The following KSR2 variants were observed in gnomAD, a reference collection of about 807,000 sequenced individuals.
KSR2 encodes kinase suppressor of ras 2.
KSR2 carries 25 observed loss-of-function variants against 107.8 expected under a neutral mutation model. The ratio of observed to expected loss-of-function variants is 0.23; its 90% CI spans 0.17 to 0.32. KSR2 has a LOEUF of 0.32. Among genes scored for constraint, KSR2 ranks in the 10% least tolerant of loss-of-function variants. The probability of loss-of-function intolerance (pLI) is 1.00; values close to 1 mark genes in which losing one functional copy is unlikely to be tolerated. For missense variants in KSR2, 887 were observed against 1,268.9 expected, an observed-to-expected ratio of 0.70 and a Z score of 4.57; for synonymous variants, 480 against 507.0, an observed-to-expected ratio of 0.95 and a Z score of 0.71.
chr12:117,746,947 G>T (rs1392611912), intron 4 of KSR2, among the ~76,000 whole-genome samples: 1 of 152,176 alleles, frequency 6.6e-6, no homozygotes, highest in East Asian at 1.9e-4. Context: ...TGCTGGTGAG[G>T]CTGTGGAGAA....
chr12:117,855,024 G>C (rs949804391), intron 3 of KSR2, among the ~76,000 whole-genome samples: 9 of 151,248 alleles, frequency 6.0e-5, no homozygotes, highest in Admixed American at 3.3e-4. Flanking sequence ...TCTATTTTCT[G>C]GTTTATGTTA....
chr12:117,749,120 CAAA>C (rs34973454), intron 4 of KSR2, among the ~76,000 whole-genome samples: 14,691 of 105,948 alleles, frequency 0.14, 1,642 homozygotes, highest in East Asian at 0.17. Context: ...GCTCCACTGG[CAAA>C]AAAAAAAAAA....
rs1253401992 is a variant in KSR2, at chr12:117,458,846, TG to T, written c.*8352del. ...TTCAGGGAAGAAACCAAAGAGCAAT[TG>T]GAGTCAGGCTCCTTTTCCTGCCCTT... On this transcript the variant is annotated 3_prime_UTR_variant, in exon 20 of 20. Transcript: ENST00000339824. 1 of 152,150 alleles carries T rather than the reference TG, an allele frequency of 6.6e-6. No homozygotes were observed. Among genetic ancestry groups the T allele is most frequent in the Non-Finnish European group, 1.5e-5 (1 of 68,046 alleles). The allele number at this position is 152,150 out of a possible 1,614,324, so 9.4% of individuals were successfully genotyped here. A position where few individuals can be genotyped will look rare whatever the true frequency, so the allele number is the denominator to read the frequency against.
chr12:117,693,804 CTGCGG>C (rs1885932304), intron 4 of KSR2, among the ~76,000 whole-genome samples: 1 of 152,168 alleles, frequency 6.6e-6, no homozygotes, highest in East Asian at 1.9e-4. Flanking sequence ...GATGGTATAC[CTGCGG>C]CTCACAGGGG....
At chr12:117,508,673 G>A (rs1197410365) in intron 14 of KSR2, among the ~76,000 whole-genome samples, 1 of 152,016 alleles carries the variant, frequency 6.6e-6, no homozygotes, top group Non-Finnish European at 1.5e-5. Context: ...GGACTGACAG[G>A]ATGAATGGGT....
At chr12:117,950,115 A>G (rs1336088448) in intron 1 of KSR2, among the ~76,000 whole-genome samples, 1 of 151,982 alleles carries the variant, frequency 6.6e-6, no homozygotes, top group Non-Finnish European at 1.5e-5. Context: ...CTGGGATTAC[A>G]GGCACGTACC....
chr12:117,854,974 A>G (rs998397775), intron 3 of KSR2, among the ~76,000 whole-genome samples: 1 of 152,224 alleles, frequency 6.6e-6, no homozygotes, highest in Non-Finnish European at 1.5e-5. Flanking sequence ...TGACAAGAGC[A>G]GTTACCTAGA....
At chr12:117,702,680 T>A (rs2136623357) in intron 4 of KSR2, among the ~76,000 whole-genome samples, 1 of 152,258 alleles carries the variant, frequency 6.6e-6, no homozygotes, top group Admixed American at 6.5e-5. Context: ...CTATTAAGGA[T>A]CACTTTTATC....
intron 1 of KSR2, among the ~76,000 whole-genome samples, chr12:117,863,106 C>T (rs887934395): frequency 3.9e-5 from 6 of 152,130 alleles, no homozygotes; most frequent in Admixed American, 3.3e-4. Flanking sequence ...ACAGTCCATC[C>T]GGCTGATGTG....
intron 19 of KSR2, 57 bp downstream of exon 19, chr12:117,469,604 AG>A (rs1871320830): frequency 1.3e-6 from 2 of 1,584,582 alleles, no homozygotes; most frequent in Admixed American, 3.5e-5. Flanking sequence ...GGGATCAAAA[AG>A]GTGACAAAGG....
chr12:117,881,550 C>A, intron 1 of KSR2, among the ~76,000 whole-genome samples: 1 of 152,234 alleles, frequency 6.6e-6, no homozygotes, highest in East Asian at 1.9e-4. Context: ...TAGAAAGTGA[C>A]AACAACATTC....
At chr12:117,474,388 T>A (rs1409163098) in intron 17 of KSR2, among the ~76,000 whole-genome samples, 5 of 152,144 alleles carry the variant, frequency 3.3e-5, no homozygotes, top group Non-Finnish European at 7.4e-5. Context: ...AAGCAACAGA[T>A]GTTGAGAATT....
intron 1 of KSR2, among the ~76,000 whole-genome samples, chr12:117,863,008 C>T (rs1721078089): frequency 1.3e-5 from 2 of 152,156 alleles, no homozygotes; most frequent in Non-Finnish European, 2.9e-5. Context: ...GGATTACAGG[C>T]GTGAGCCACC....
chr12:117,936,374 T>C (rs1446352407), intron 1 of KSR2, among the ~76,000 whole-genome samples: 1 of 151,974 alleles, frequency 6.6e-6, no homozygotes, highest in East Asian at 1.9e-4. Flanking sequence ...TTGCCCACGC[T>C]GGAATGCAAT....
chr12:117,875,342 T>TG (rs1193177544), intron 1 of KSR2, among the ~76,000 whole-genome samples: 1 of 151,278 alleles, frequency 6.6e-6, no homozygotes, highest in Non-Finnish European at 1.5e-5. Context: ...TATTTTTTTT[T>TG]TTTTTTTTTA....
chr12:117,540,299 A>C (rs1164435783), intron 9 of KSR2, among the ~76,000 whole-genome samples: 1 of 152,132 alleles, frequency 6.6e-6, no homozygotes, highest in East Asian at 1.9e-4. Flanking sequence ...AGAATGTGAG[A>C]GTGAGCCTTC....
At chr12:117,710,276 G>T (rs924653828) in intron 4 of KSR2, among the ~76,000 whole-genome samples, 2 of 152,122 alleles carry the variant, frequency 1.3e-5, no homozygotes, top group African/African-American at 4.8e-5. Context: ...GACATAGAAG[G>T]CCTCGAGGGC....
chr12:117,766,827 G>T (rs917283939), intron 3 of KSR2, among the ~76,000 whole-genome samples: 1 of 150,368 alleles, frequency 6.7e-6, no homozygotes, highest in African/African-American at 2.4e-5. Flanking sequence ...GATGAGGGAC[G>T]TGGGAGTTTG....
intron 4 of KSR2, among the ~76,000 whole-genome samples, chr12:117,669,894 A>C (rs1234992027): frequency 6.6e-6 from 1 of 152,136 alleles, no homozygotes; most frequent in African/African-American, 2.4e-5. Flanking sequence ...ATAATAATAA[A>C]ATTTAAAAAT....
Sources: gnomAD v4.1 joint callset for allele counts (sites outside exome capture counted in the v4.1 genomes callset) on GRCh38, gnomAD v4.1.1 for gene constraint, MANE v1.5 for transcripts, NCBI Gene and HGNC (gene_info 2026-07-23, HGNC 2026-07-21) for gene names.